The following ECT2 variants were observed in gnomAD, a reference collection of about 807,000 sequenced individuals.
The protein encoded by ECT2 is protein ECT2.
In ECT2, 61 loss-of-function variants were observed where a neutral mutation model predicts 116.9. The observed-to-expected ratio is 0.52, with a 90% CI of 0.42 to 0.65. The LOEUF is 0.65. Ranked by LOEUF, ECT2 falls within the 30% of genes least tolerant of loss-of-function variation. The pLI, the probability that ECT2 is intolerant of heterozygous loss-of-function variation, is 0.00. For synonymous variants in ECT2, 358 were observed against 346.4 expected (o/e 1.03, Z -0.37); for missense variants, 937 against 1,078.7 (o/e 0.87, Z 1.84).
the ECT2 span, among the ~76,000 whole-genome samples, chr3:172,827,148 C>T: frequency 6.6e-6 from 1 of 152,064 alleles, no homozygotes; most frequent in Non-Finnish European, 1.5e-5. Flanking sequence ...GATGTTTGTT[C>T]GAGAACATAA....
chr3:172,757,666 C>T (rs898645509), intron 5 of ECT2, among the ~76,000 whole-genome samples: 3 of 152,044 alleles, frequency 2.0e-5, no homozygotes, highest in East Asian at 1.9e-4. Context: ...CCACCCGCTT[C>T]GGACTCTCAA....
intron 18 of ECT2, among the ~76,000 whole-genome samples, chr3:172,798,667 A>T (rs961023162): frequency 2.0e-5 from 3 of 152,214 alleles, no homozygotes; most frequent in Non-Finnish European, 2.9e-5. Context: ...TCTATAATTT[A>T]CAACAGTTTG....
intron 22 of ECT2, 126 bp from the exon 23 acceptor site, chr3:172,815,478 C>A: frequency 5.2e-6 from 3 of 579,948 alleles, no homozygotes; most frequent in East Asian, 3.0e-5. Flanking sequence ...GAAGTTATAT[C>A]AAGCACATGA....
At chr3:172,788,829 G>A (rs1008814534) in intron 18 of ECT2, among the ~76,000 whole-genome samples, 5 of 152,192 alleles carry the variant, frequency 3.3e-5, no homozygotes, top group Admixed American at 6.6e-5. Flanking sequence ...GGAGGCTGAG[G>A]CGGGTGGATC....
At chr3:172,751,330 C>T (rs537810740) in intron 1 of ECT2, among the ~76,000 whole-genome samples, 1 of 152,360 alleles carries the variant, frequency 6.6e-6, no homozygotes, top group East Asian at 1.9e-4. Flanking sequence ...AGCCACCCGG[C>T]ACAGATGTGT....
At chr3:172,800,002 A>G (rs887387402) in intron 18 of ECT2, among the ~76,000 whole-genome samples, 6 of 152,176 alleles carry the variant, frequency 3.9e-5, no homozygotes, top group Non-Finnish European at 5.9e-5. Flanking sequence ...TAGACCCTCT[A>G]TATCTTCCCC....
chr3:172,817,221 C>T (rs1729893930), intron 24 of ECT2, among the ~76,000 whole-genome samples: 1 of 151,970 alleles, frequency 6.6e-6, no homozygotes, highest in South Asian at 2.1e-4. Flanking sequence ...AGGAGTTCTC[C>T]CCTAGTGCAC....
intron 12 of ECT2, among the ~76,000 whole-genome samples, chr3:172,765,398 T>G (rs1244368237): frequency 6.6e-6 from 1 of 152,218 alleles, no homozygotes; most frequent in African/African-American, 2.4e-5. Context: ...TCTATGGTTT[T>G]GAAAAGCATT....
At chr3:172,794,218 T>C (rs1043207402) in intron 18 of ECT2, among the ~76,000 whole-genome samples, 1 of 152,232 alleles carries the variant, frequency 6.6e-6, no homozygotes, top group Non-Finnish European at 1.5e-5. Flanking sequence ...AGAATGTTTG[T>C]GGTATTAGTC....
chr3:172,818,993 C>G (rs916373472), intron 24 of ECT2, among the ~76,000 whole-genome samples: 16 of 151,794 alleles, frequency 1.1e-4, no homozygotes, highest in African/African-American at 3.9e-4. Context: ...AAAATAAGTT[C>G]CATTAGAAAT....
chr3:172,766,232 A>G (rs1414824426), intron 12 of ECT2, among the ~76,000 whole-genome samples: 3 of 152,224 alleles, frequency 2.0e-5, no homozygotes, highest in Non-Finnish European at 2.9e-5. Flanking sequence ...TACAGATAAT[A>G]GCATACAAAC....
chr3:172,768,808 A>G (rs1158994842), intron 12 of ECT2, among the ~76,000 whole-genome samples, 199 bp from the exon 13 acceptor site: 1 of 152,188 alleles, frequency 6.6e-6, no homozygotes. Context: ...TGGAATGCCT[A>G]CCAACTGGAG....
intron 18 of ECT2, among the ~76,000 whole-genome samples, chr3:172,799,521 C>T (rs532340502): frequency 1.4e-4 from 21 of 152,296 alleles, no homozygotes; most frequent in African/African-American, 4.8e-4. Context: ...CTATAAGTAA[C>T]TTGACAAAAC....
intron 13 of ECT2, among the ~76,000 whole-genome samples, chr3:172,770,827 T>G (rs1720485694): frequency 1.3e-5 from 2 of 152,206 alleles, no homozygotes; most frequent in Admixed American, 1.3e-4. Flanking sequence ...TTAAAGATTT[T>G]TTTTTTTAAA....
At chr3:172,783,679 C>CT in intron 15 of ECT2, 120 bp from the exon 16 acceptor site, 1 of 641,792 alleles carries the variant, frequency 1.6e-6, no homozygotes, top group South Asian at 1.8e-5. Flanking sequence ...TAGAAATTTA[C>CT]TTTAAACTTT....
intron 20 of ECT2, among the ~76,000 whole-genome samples, chr3:172,804,184 T>C (rs1421402758): frequency 6.6e-6 from 1 of 152,180 alleles, no homozygotes; most frequent in Non-Finnish European, 1.5e-5. Flanking sequence ...TTCTTATATA[T>C]CATATACATT....
chr3:172,774,110 T>C, intron 14 of ECT2, 88 bp downstream of exon 14: 1 of 1,317,040 alleles, frequency 7.6e-7, no homozygotes, highest in South Asian at 1.4e-5. Context: ...GTTAGCTAAA[T>C]AAGTTTTGTA....
At chr3:172,818,568 A>G (rs1373999589) in intron 24 of ECT2, 6 of 1,281,540 alleles carry the variant, frequency 4.7e-6, no homozygotes, top group Non-Finnish European at 6.1e-6. Flanking sequence ...CTGTTTCCAC[A>G]AGCAATGTAA....
At chr3:172,764,641 T>C in intron 12 of ECT2, 141 bp downstream of exon 12, 1 of 742,724 alleles carries the variant, frequency 1.3e-6, no homozygotes. Flanking sequence ...AAAAGACACA[T>C]GAATAGTTAA....
Sources: allele counts gnomAD v4.1 joint callset (sites outside exome capture counted in the v4.1 genomes callset), GRCh38; gene constraint gnomAD v4.1.1; transcripts MANE v1.5; gene names NCBI Gene and HGNC (gene_info 2026-07-23, HGNC 2026-07-21).